ANKFN1: variants seen among roughly 807,000 people sequenced by gnomAD.
ANKFN1 encodes the protein ankyrin repeat and fibronectin type III domain containing 1, also known as ankyrin repeat and fibronectin type-III domain-containing protein 1.
ANKFN1 carries 74 observed loss-of-function variants against 108.7 expected under a neutral mutation model. That is an observed-to-expected ratio of 0.68 (90% CI 0.56 to 0.83). The LOEUF is 0.83. Among genes scored for constraint, ANKFN1 ranks in the 40% least tolerant of loss-of-function variants. The pLI, the probability that ANKFN1 is intolerant of heterozygous loss-of-function variation, is 0.00. For missense variants in ANKFN1, 1,505 were observed against 1,382.3 expected, an observed-to-expected ratio of 1.09 and a Z score of -1.41; for synonymous variants, 547 against 516.2, an observed-to-expected ratio of 1.06 and a Z score of -0.81.
intron 11 of ANKFN1, among the ~76,000 whole-genome samples, chr17:56,456,403 T>C (rs1266275159): frequency 1.0e-4 from 14 of 139,638 alleles, no homozygotes; most frequent in Admixed American, 4.2e-4. Context: ...TTTTTTCTCT[T>C]TTTTTTTTTT....
At chr17:56,334,400 G>C (rs2045749109) in intron 4 of ANKFN1, among the ~76,000 whole-genome samples, 2 of 152,066 alleles carry the variant, frequency 1.3e-5, no homozygotes. Flanking sequence ...TCATTATCTT[G>C]ATTGTGACAA....
At chr17:56,400,606 G>A (rs190035000) in intron 8 of ANKFN1, among the ~76,000 whole-genome samples, 5 of 152,024 alleles carry the variant, frequency 3.3e-5, no homozygotes, top group Non-Finnish European at 5.9e-5. Context: ...GGTCCCAGCT[G>A]TTTATCTTTG....
chr17:56,210,793 C>T (rs1180260315), intron 1 of ANKFN1, among the ~76,000 whole-genome samples: 1 of 152,122 alleles, frequency 6.6e-6, no homozygotes, highest in African/African-American at 2.4e-5. Flanking sequence ...TGAGAGCCAG[C>T]AAGGGAAATG....
chr17:56,052,234 G>GT (rs1567777919), intron 4 of ANKFN1, among the ~76,000 whole-genome samples: 2 of 152,094 alleles, frequency 1.3e-5, no homozygotes, highest in African/African-American at 4.8e-5. Context: ...ATAGATAAAT[G>GT]ATTTTTTTTA....
At chr17:56,470,477 A>G (rs2050277352) in intron 15 of ANKFN1, among the ~76,000 whole-genome samples, 1 of 152,156 alleles carries the variant, frequency 6.6e-6, no homozygotes, top group Non-Finnish European at 1.5e-5. Context: ...ATTAATAATA[A>G]TCACCATTCA....
rs534683507 is a variant in ANKFN1, at chr17:56,132,537, G to A, written c.288+86212G>A. On this transcript the variant is annotated intron_variant, in intron 4 of 12. Transcript: ENST00000635860. ...GTCTCTAATGGGTTTTCCTAAAATC[G>A]GAATATATCAATAAATCGCAAACAG... 7.9e-5 allele frequency among the ~76,000 whole-genome samples: 12 copies of A among 152,152 alleles called. No homozygotes were observed. In the South Asian group the frequency reaches 1.5e-3, roughly 18 times the overall value.
intron 4 of ANKFN1, among the ~76,000 whole-genome samples, chr17:56,108,780 T>G (rs974936102): frequency 1.3e-5 from 2 of 152,202 alleles, no homozygotes; most frequent in Middle Eastern, 3.2e-3. Context: ...CAAGGAAGTA[T>G]GGGGAACAAA....
At chr17:56,142,491 C>T (rs907308203) in intron 4 of ANKFN1, among the ~76,000 whole-genome samples, 5 of 152,116 alleles carry the variant, frequency 3.3e-5, no homozygotes, top group Non-Finnish European at 7.4e-5. Flanking sequence ...GGACACTGGC[C>T]AAGAACTTTA....
chr17:56,049,902 T>C (rs1904744771), intron 4 of ANKFN1, among the ~76,000 whole-genome samples: 1 of 152,042 alleles, frequency 6.6e-6, no homozygotes, highest in Non-Finnish European at 1.5e-5. Flanking sequence ...TTTGGGTATA[T>C]ACCCAGTAAT....
At chr17:56,178,096 A>G (rs1911340043) in intron 1 of ANKFN1, among the ~76,000 whole-genome samples, 1 of 152,162 alleles carries the variant, frequency 6.6e-6, no homozygotes, top group Non-Finnish European at 1.5e-5. Context: ...TTGGAAGTCC[A>G]TACCAACTTT....
In ANKFN1 at chr17:56,236,518, T is replaced by A. The variant is rs112378320; in HGVS notation, c.53+8561T>A. 8.6e-4 allele frequency among the ~76,000 whole-genome samples: 131 copies of A among 152,324 alleles called. 1 individual carries two copies. The highest frequency in any genetic ancestry group is 3.0e-3 in the African/African-American group (125 of 41,572). ...GTCTGTTGTTGGTGTATAGGAATACTAGTGGTTTTTGAACATAATTTTGTA... is the reference window on the plus strand; with the variant it reads ...GTCTGTTGTTGGTGTATAGGAATACAAGTGGTTTTTGAACATAATTTTGTA... On this transcript the variant is annotated intron_variant, in intron 3 of 20. Transcript: ENST00000682825.
intron 5 of ANKFN1, among the ~76,000 whole-genome samples, chr17:56,353,171 G>A (rs1416722696): frequency 1.3e-5 from 2 of 151,758 alleles, no homozygotes; most frequent in Non-Finnish European, 2.9e-5. Flanking sequence ...GGGTACACTT[G>A]GTTTAATCTA....
At chr17:56,173,603 G>A (rs911581927) in intron 1 of ANKFN1, among the ~76,000 whole-genome samples, 8 of 151,874 alleles carry the variant, frequency 5.3e-5, no homozygotes, top group Non-Finnish European at 2.9e-5. Context: ...GACTAAAAAT[G>A]CACACTACCA....
chr17:56,354,445 C>T (rs151125718), intron 6 of ANKFN1, among the ~76,000 whole-genome samples: 1 of 150,888 alleles, frequency 6.6e-6, no homozygotes, highest in African/African-American at 2.5e-5. Flanking sequence ...ATTCAATAAA[C>T]ACTGAGTGTG....
Position 56,125,072 on chromosome 17 carries a change from C to T in ANKFN1, c.288+78747C>T, listed in dbSNP as rs528982452. On this transcript the variant is annotated intron_variant, in intron 4 of 12. Transcript: ENST00000635860. Reference sequence around the variant, plus strand: ...AGGAATCTACTGCAAACACCATTTTCCCATAGAACCTTTCCTAATCACCTC... The same window carrying T: ...AGGAATCTACTGCAAACACCATTTTTCCATAGAACCTTTCCTAATCACCTC... Among the ~76,000 whole-genome samples, 4 of 152,300 alleles carry T rather than the reference C, an allele frequency of 2.6e-5. No individual in the cohort carries two copies. In the South Asian group the frequency reaches 8.3e-4, roughly 32 times the overall value.
At chr17:56,263,299 G>C (rs775822523) in intron 3 of ANKFN1, among the ~76,000 whole-genome samples, 1 of 152,180 alleles carries the variant, frequency 6.6e-6, no homozygotes, top group East Asian at 1.9e-4. Context: ...TAATTATAGG[G>C]ATTGGCATAT....
intron 6 of ANKFN1, among the ~76,000 whole-genome samples, chr17:56,354,737 T>C (rs2046330943): frequency 6.6e-6 from 1 of 152,186 alleles, no homozygotes; most frequent in African/African-American, 2.4e-5. Flanking sequence ...TTCTATGATA[T>C]CAACTTTTTA....
At chr17:56,291,024 A>C (rs1353147188) in intron 3 of ANKFN1, among the ~76,000 whole-genome samples, 1 of 152,156 alleles carries the variant, frequency 6.6e-6, no homozygotes. Flanking sequence ...GCAATATCTC[A>C]AAACCATGTC....
chr17:56,397,455 T>A (rs1598525395), intron 8 of ANKFN1, among the ~76,000 whole-genome samples: 1 of 152,324 alleles, frequency 6.6e-6, no homozygotes, highest in East Asian at 1.9e-4. Flanking sequence ...TTCTACAAAG[T>A]GCTTTAAATT....
Sources: allele counts gnomAD v4.1 joint callset (sites outside exome capture counted in the v4.1 genomes callset), GRCh38; gene constraint gnomAD v4.1.1; transcripts MANE v1.5; gene names NCBI Gene and HGNC (gene_info 2026-07-23, HGNC 2026-07-21).